PIK3R6: variants seen among roughly 807,000 people sequenced by gnomAD.
PIK3R6 encodes phosphoinositide-3-kinase regulatory subunit 6, also known as phosphoinositide 3-kinase regulatory subunit 6.
PIK3R6 carries 91 observed loss-of-function variants against 84.9 expected under a neutral mutation model. That is an observed-to-expected ratio of 1.07 (90% confidence interval 0.90 to 1.28). The LOEUF is 1.28. Among genes scored for constraint, PIK3R6 ranks in the 50% most tolerant of loss-of-function variants. The pLI, the probability that PIK3R6 is intolerant of heterozygous loss-of-function variation, is 0.00. For missense variants in PIK3R6, 996 were observed against 985.1 expected, an observed-to-expected ratio of 1.01 and a Z score of -0.15; for synonymous variants, 416 against 411.4, an observed-to-expected ratio of 1.01 and a Z score of -0.13.
At chr17:8,805,155 G>A (rs1423225937) in intron 18 of PIK3R6, among the ~76,000 whole-genome samples, 1 of 152,192 alleles carries the variant, frequency 6.6e-6, no homozygotes, top group Non-Finnish European at 1.5e-5. Flanking sequence ...GAGGGTAAGA[G>A]CATAGTCTCT....
In PIK3R6 at chr17:8,829,744, TAGGGGCTGGGC is replaced by T; in HGVS notation, c.840_850del (p.Pro281HisfsTer9). 3 of 1,553,830 alleles carry T rather than the reference TAGGGGCTGGGC, an allele frequency of 1.9e-6. No individual in the cohort carries two copies. The highest frequency in any genetic ancestry group is 2.6e-6 in the Non-Finnish European group (3 of 1,148,422). On this transcript the variant is annotated frameshift_variant, in exon 10 of 20. Transcript: ENST00000619866. LOFTEE classifies it high-confidence loss of function. ...ACCGGTCCACAAGTGGAAGGTGATG[TAGGGGCTGGGC>T]AGGGGAATGCTTGGTGGCCGCTCTT...
chr17:8,863,477 T>A (rs2089327971), intron 1 of PIK3R6, among the ~76,000 whole-genome samples: 1 of 152,140 alleles, frequency 6.6e-6, no homozygotes, highest in East Asian at 1.9e-4. Context: ...TCCCATCTAA[T>A]GAAAACTTCA....
intron 2 of PIK3R6, 121 bp downstream of exon 2, chr17:8,849,661 G>A: frequency 2.6e-6 from 3 of 1,145,390 alleles, no homozygotes; most frequent in African/African-American, 1.6e-5. Context: ...CTGAATTGGG[G>A]TCTTGCAGCC....
chr17:8,812,259 G>T (rs1188747438), intron 18 of PIK3R6, among the ~76,000 whole-genome samples: 1 of 152,160 alleles, frequency 6.6e-6, no homozygotes, highest in South Asian at 2.1e-4. Flanking sequence ...GATGAGATTT[G>T]GGTGTGGACA....
rs747137799 is a variant in PIK3R6, at chr17:8,803,921, C to T, written c.2108+120G>A. 3.0e-5 allele frequency: 26 copies of T among 853,894 alleles called. No homozygotes were observed. The highest frequency in any genetic ancestry group is 6.7e-5 in the African/African-American group (4 of 59,476). 52.9% of individuals were successfully genotyped at this position (853,894 alleles called of 1,614,324 possible). On this transcript the variant is annotated intron_variant, in intron 19 of 19. Coordinates refer to ENST00000619866, the MANE Select transcript of PIK3R6 (RefSeq NM_001010855.4). This position sits in a 1 kb window ranked among gnomAD's most constrained non-coding sequence, Gnocchi z 5.0. ...ATCCTCACCAAGGTTACCTGCCTGG[C>T]CACAGGATCTACCTCCGATGAGGTG...
At chr17:8,811,760 A>T (rs926068810) in intron 18 of PIK3R6, among the ~76,000 whole-genome samples, 1 of 148,218 alleles carries the variant, frequency 6.7e-6, no homozygotes, top group Admixed American at 6.9e-5. Flanking sequence ...ATCGCTATCA[A>T]CATTTTGGGC....
rs145926028 is a variant in PIK3R6 at position 8,843,306 on chromosome 17, CCTTT to C, written c.14-3613_14-3610del. On this transcript the variant is annotated intron_variant, in intron 2 of 19. Coordinates refer to ENST00000619866, the MANE Select transcript of PIK3R6 (RefSeq NM_001010855.4). The stretch of plus-strand genomic sequence containing the variant: ...CCTTCTCTCTCTCCCTCCCTTCCTT[CCTTT>C]CTTTTTTCCTTCCTTCTTCCTCTTT... 9.8e-3 allele frequency among the ~76,000 whole-genome samples: 1,490 copies of C among 152,192 alleles called. 11 individuals carry two copies. The highest frequency in any genetic ancestry group is 0.016 in the Non-Finnish European group (1,099 of 68,004).
chr17:8,837,333 G>GC (rs1369193098), intron 5 of PIK3R6, among the ~76,000 whole-genome samples: 4 of 151,894 alleles, frequency 2.6e-5, no homozygotes, highest in Admixed American at 6.6e-5. Context: ...TGCCCGGGAG[G>GC]CCCCCCTCTC....
At chr17:8,806,634 G>A (rs1488214048) in intron 18 of PIK3R6, among the ~76,000 whole-genome samples, 2 of 152,208 alleles carry the variant, frequency 1.3e-5, no homozygotes, top group Non-Finnish European at 2.9e-5. Flanking sequence ...TAAGACTAAG[G>A]AATGGGCAAA....
chr17:8,809,515 C>T (rs926344047), intron 18 of PIK3R6, among the ~76,000 whole-genome samples: 1 of 152,210 alleles, frequency 6.6e-6, no homozygotes, highest in Non-Finnish European at 1.5e-5. Context: ...CACAGTGGCT[C>T]ATGCCTGTAA....
intron 1 of PIK3R6, among the ~76,000 whole-genome samples, chr17:8,858,398 C>A (rs978124875): frequency 6.0e-5 from 9 of 149,098 alleles, no homozygotes; most frequent in African/African-American, 1.7e-4. Flanking sequence ...CTCACTGCAA[C>A]CTCCGCCTCC....
rs1323011589 is a variant in PIK3R6, at chr17:8,832,837, G to C, written c.802+52C>G. ...TCTCTGGCGCCCCCTGCTGTGCAGT[G>C]AGCTGCCCCCGCGGGACTCTTGCCA... On this transcript the variant is annotated intron_variant, in intron 9 of 19. Coordinates refer to ENST00000619866, the MANE Select transcript of PIK3R6 (RefSeq NM_001010855.4). The C allele has an allele frequency of 5.0e-6, 8 of 1,609,514 alleles. No homozygotes were observed. The Admixed American group carries it at 1.3e-4, about 27-fold the overall frequency.
chr17:8,829,373 G>GAT (rs1232180838), intron 10 of PIK3R6, among the ~76,000 whole-genome samples: 2 of 135,088 alleles, frequency 1.5e-5, no homozygotes, highest in Non-Finnish European at 3.1e-5. Context: ...CACATGCATG[G>GAT]ATACACACAC....
chr17:8,803,206 T>G lies in PIK3R6; in HGVS notation c.*67A>C. Reference sequence around the variant, plus strand: ...GTGGAGCCGGGCCTTGCTCTGGCTGTTGGTGTGAGTGTTTGGAGTTGGTGG... The same window carrying G: ...GTGGAGCCGGGCCTTGCTCTGGCTGGTGGTGTGAGTGTTTGGAGTTGGTGG... On this transcript the variant is annotated 3_prime_UTR_variant, in exon 20 of 20. Coordinates refer to ENST00000619866, the MANE Select transcript of PIK3R6 (RefSeq NM_001010855.4). The surrounding 1 kb of genome is among the most constrained non-coding windows in gnomAD (Gnocchi z 5.0). The G allele has an allele frequency of 6.3e-7, 1 of 1,589,630 alleles. No individual in the cohort carries two copies. The highest frequency in any genetic ancestry group is 8.6e-7 in the Non-Finnish European group (1 of 1,163,378).
intron 13 of PIK3R6, among the ~76,000 whole-genome samples, chr17:8,823,915 T>C (rs1230316297): frequency 6.6e-6 from 1 of 152,046 alleles, no homozygotes; most frequent in Non-Finnish European, 1.5e-5. Context: ...CTACAGAAAA[T>C]GAGAGGTTGA....
Position 8,803,488 on chromosome 17 carries a change from C to T in PIK3R6, c.2109-59G>A, listed in dbSNP as rs2087104323. On this transcript the variant is annotated intron_variant, in intron 19 of 19. Transcript: ENST00000619866. This position sits in a 1 kb window ranked among gnomAD's most constrained non-coding sequence, Gnocchi z 5.0. ...ATCTGAGGGATCAGATTGCCTAGGG[C>T]ATTTGAAAGGCAGAGCTGTTATTGT... 1.9e-5 allele frequency: 29 copies of T among 1,505,324 alleles called. No individual in the cohort carries two copies. The South Asian group carries it at 3.4e-4, about 18-fold the overall frequency. 93.2% of individuals were successfully genotyped at this position (1,505,324 alleles called of 1,614,324 possible). A position where few individuals can be genotyped will look rare whatever the true frequency, so the allele number is the denominator to read the frequency against.
intron 9 of PIK3R6, 37 bp from the exon 10 acceptor site, chr17:8,829,829 G>C: frequency 6.6e-7 from 1 of 1,508,988 alleles, no homozygotes; most frequent in East Asian, 2.5e-5. Context: ...CCATGGAGGA[G>C]GCCATGGGAC....
chr17:8,821,346 G>T (rs905215787), intron 17 of PIK3R6, among the ~76,000 whole-genome samples: 1 of 152,054 alleles, frequency 6.6e-6, no homozygotes, highest in East Asian at 1.9e-4. Flanking sequence ...CTATTTTCTA[G>T]GGTTCACAAG....
At chr17:8,829,610 T>G (rs2088157071) in intron 10 of PIK3R6, 96 bp downstream of exon 10, 4 of 1,212,012 alleles carry the variant, frequency 3.3e-6, no homozygotes, top group Admixed American at 2.3e-5. Context: ...ATACACACAC[T>G]GACACACGCA....
Sources: gnomAD v4.1 joint callset for allele counts (sites outside exome capture counted in the v4.1 genomes callset) on GRCh38, gnomAD v4.1.1 for gene constraint, Gnocchi (gnomAD v3.1) non-coding constraint, MANE v1.5 for transcripts, NCBI Gene and HGNC (gene_info 2026-07-23, HGNC 2026-07-21) for gene names.